Variants in AGBL4 observed in about 807,000 individuals in gnomAD.
AGBL4 encodes cytosolic carboxypeptidase 6.
AGBL4 carries 58 observed loss-of-function variants against 66.4 expected under a neutral mutation model. The observed-to-expected ratio is 0.87, with a 90% confidence interval of 0.71 to 1.09. The LOEUF (loss-of-function observed/expected upper bound fraction) is 1.09, where lower values mean the gene tolerates loss of function less well. AGBL4 is among the 50% of genes least tolerant of loss of function. AGBL4 has a pLI of 0.00. For synonymous variants in AGBL4, 234 were observed against 222.9 expected (o/e 1.05, Z -0.44); for missense variants, 579 against 631.0 (o/e 0.92, Z 0.88).
At chr1:48,990,731 C>T (rs887985348) in intron 5 of AGBL4, among the ~76,000 whole-genome samples, 14 of 151,496 alleles carry the variant, frequency 9.2e-5, no homozygotes, top group Non-Finnish European at 1.8e-4. Context: ...TTTGTGTATC[C>T]GTTGCACATT....
At chr1:48,806,697 T>C (rs1413081355) in intron 6 of AGBL4, among the ~76,000 whole-genome samples, 1 of 152,172 alleles carries the variant, frequency 6.6e-6, no homozygotes, top group Non-Finnish European at 1.5e-5. Flanking sequence ...CAAGATGCCC[T>C]GGTGAATTCA....
rs924054310 is a variant in AGBL4, at chr1:49,021,292, A to G, written c.594+24292T>C. On this transcript the variant is annotated intron_variant, in intron 5 of 13. Coordinates refer to ENST00000371839, the MANE Select transcript of AGBL4 (RefSeq NM_032785.4). ...TCGCAACCTATTTTTAATTATAAAG[A>G]GGAAATGATCACATGAATTAAGATA... 3.9e-5 allele frequency among the ~76,000 whole-genome samples: 6 copies of G among 152,292 alleles called. No homozygotes were observed. In the East Asian group the frequency reaches 1.2e-3, roughly 29 times the overall value.
intron 4 of AGBL4, among the ~76,000 whole-genome samples, chr1:49,161,905 G>A (rs1646549168): frequency 6.6e-6 from 1 of 152,112 alleles, no homozygotes; most frequent in Non-Finnish European, 1.5e-5. Context: ...TAATTGTGTG[G>A]TCTTGAGAAA....
chr1:48,836,207 T>G (rs901101802), intron 6 of AGBL4, among the ~76,000 whole-genome samples: 1 of 151,528 alleles, frequency 6.6e-6, no homozygotes, highest in Non-Finnish European at 1.5e-5. Context: ...GTCTTGGTTC[T>G]GTTACAAATT....
At chr1:48,538,025 C>T (rs768948208) in intron 12 of AGBL4, among the ~76,000 whole-genome samples, 2 of 152,124 alleles carry the variant, frequency 1.3e-5, no homozygotes, top group African/African-American at 2.4e-5. Context: ...AGGACAGGCA[C>T]TTCAGGGGCA....
intron 2 of AGBL4, chr1:49,846,264 C>A (rs1393606615): frequency 6.8e-7 from 1 of 1,477,400 alleles, no homozygotes; most frequent in East Asian, 2.3e-5. Context: ...TGTGGAAAGT[C>A]CTTTAGGCAG....
At chr1:49,017,056 TAGA>T (rs1557563593) in intron 5 of AGBL4, among the ~76,000 whole-genome samples, 1 of 152,184 alleles carries the variant, frequency 6.6e-6, no homozygotes, top group African/African-American at 2.4e-5. Context: ...GGTGTAGACA[TAGA>T]AGGACAGGAA....
chr1:49,946,026 T>C (rs2148302516), intron 1 of AGBL4, among the ~76,000 whole-genome samples: 1 of 152,078 alleles, frequency 6.6e-6, no homozygotes, highest in East Asian at 1.9e-4. Flanking sequence ...TAAATATATA[T>C]GCACCTAGCA....
chr1:48,730,679 T>C (rs2148554729), intron 6 of AGBL4, among the ~76,000 whole-genome samples: 1 of 152,294 alleles, frequency 6.6e-6, no homozygotes, highest in African/African-American at 2.4e-5. Flanking sequence ...CTTCTCAGGT[T>C]GATTAAAAGG....
chr1:49,845,100 CT>C (rs1432583686), intron 2 of AGBL4: 1 of 1,461,362 alleles, frequency 6.8e-7, no homozygotes, highest in African/African-American at 1.4e-5. Context: ...GCAGAAAGGC[CT>C]TTAGTCACAG....
At chr1:49,738,258 T>C (rs2124736832) in intron 2 of AGBL4, among the ~76,000 whole-genome samples, 1 of 152,344 alleles carries the variant, frequency 6.6e-6, no homozygotes, top group South Asian at 2.1e-4. Context: ...AAGGAGATTG[T>C]ATCCCGTGCC....
intron 3 of AGBL4, among the ~76,000 whole-genome samples, chr1:49,328,833 TTTATG>T (rs1169736745): frequency 6.6e-6 from 1 of 152,218 alleles, no homozygotes; most frequent in Non-Finnish European, 1.5e-5. Flanking sequence ...TCTTTATTTG[TTTATG>T]TTATCTCTGC....
chr1:49,435,070 G>GTAAT (rs1645872833), intron 3 of AGBL4, among the ~76,000 whole-genome samples: 1 of 152,058 alleles, frequency 6.6e-6, no homozygotes, highest in African/African-American at 2.4e-5. Context: ...TGCCTTTCCT[G>GTAAT]AGTACTTCCT....
intron 3 of AGBL4, among the ~76,000 whole-genome samples, chr1:49,260,536 A>G (rs1222066648): frequency 2.6e-5 from 4 of 152,166 alleles, no homozygotes; most frequent in South Asian, 2.1e-4. Context: ...ACACCTCTAC[A>G]CAAATAAACC....
chr1:48,809,798 A>G (rs552843837), intron 6 of AGBL4, among the ~76,000 whole-genome samples: 1 of 152,086 alleles, frequency 6.6e-6, no homozygotes, highest in East Asian at 1.9e-4. Context: ...TCTTTTGTGT[A>G]TTTCTTCCCT....
rs1648970819 is a variant in AGBL4, at chr1:48,874,083, A to T, written c.595-6853T>A. 1.3e-5 allele frequency among the ~76,000 whole-genome samples: 2 copies of T among 152,166 alleles called. 1 individual carries two copies. Among genetic ancestry groups the T allele is most frequent in the African/African-American group, 4.8e-5 (2 of 41,432 alleles). ...ACAGCATAGACTGGAGATGATTTAAATAAGAACACCAGTAATCCCCAGGCA... is the reference window on the plus strand; with the variant it reads ...ACAGCATAGACTGGAGATGATTTAATTAAGAACACCAGTAATCCCCAGGCA... On this transcript the variant is annotated intron_variant, in intron 5 of 13. Transcript: ENST00000371839.
At chr1:49,375,066 T>C (rs551592466) in intron 3 of AGBL4, among the ~76,000 whole-genome samples, 2 of 152,324 alleles carry the variant, frequency 1.3e-5, no homozygotes, top group South Asian at 4.1e-4. Context: ...ACATGAACTA[T>C]GCTCTTTCAT....
intron 1 of AGBL4, among the ~76,000 whole-genome samples, chr1:49,898,422 C>G (rs1266540407): frequency 6.6e-6 from 1 of 152,042 alleles, no homozygotes; most frequent in Non-Finnish European, 1.5e-5. Context: ...GAGATATCAT[C>G]TCACCCCAGT....
At chr1:49,390,078 T>G (rs1644815081) in intron 3 of AGBL4, among the ~76,000 whole-genome samples, 1 of 152,106 alleles carries the variant, frequency 6.6e-6, no homozygotes, top group Non-Finnish European at 1.5e-5. Context: ...AATTCACTTC[T>G]GAATGGTTTG....
Sources: gnomAD v4.1 joint callset for allele counts (sites outside exome capture counted in the v4.1 genomes callset) on GRCh38, gnomAD v4.1.1 for gene constraint, MANE v1.5 for transcripts, NCBI Gene and HGNC (gene_info 2026-07-23, HGNC 2026-07-21) for gene names.